Variants in TMC4 observed in about 807,000 individuals in gnomAD.
The protein encoded by TMC4 is transmembrane channel like 4, also known as voltage-gated chloride channel TMC4.
In TMC4, 70 loss-of-function variants were observed where a neutral mutation model predicts 82.0. The ratio of observed to expected loss-of-function variants is 0.85; its 90% CI spans 0.70 to 1.04. TMC4 has a LOEUF of 1.04. Ranked by LOEUF, TMC4 falls within the 50% of genes least tolerant of loss-of-function variation. The pLI, the probability that TMC4 is intolerant of heterozygous loss-of-function variation, is 0.00. For missense variants in TMC4, 879 were observed against 899.0 expected (o/e 0.98, Z 0.28); for synonymous variants, 446 against 406.0 (o/e 1.10, Z -1.18).
chr19:54,171,139 C>T (rs903683147), intron 2 of TMC4, among the ~76,000 whole-genome samples: 5 of 33,148 alleles, frequency 1.5e-4, no homozygotes, highest in African/African-American at 2.0e-4. Flanking sequence ...GATGGAGTCC[C>T]GCTCTATCAC....
At chr19:54,160,713 G>A (rs2075522213) in intron 13 of TMC4, 165 bp downstream of exon 13, 6 of 1,408,662 alleles carry the variant, frequency 4.3e-6, no homozygotes, top group East Asian at 5.0e-5. Flanking sequence ...CCTACGTCCC[G>A]CCCACCTCCT....
At chr19:54,161,852 T>A (rs570978883) in intron 11 of TMC4, among the ~76,000 whole-genome samples, 1 of 152,096 alleles carries the variant, frequency 6.6e-6, no homozygotes, top group Non-Finnish European at 1.5e-5. Flanking sequence ...TACCTGCCTC[T>A]CCTTTTTTCC....
rs777734142 is a variant in TMC4 at position 54,162,817 on chromosome 19, C to T, written c.1405-47G>A. 9.5e-6 allele frequency: 15 copies of T among 1,571,956 alleles called. No homozygotes were observed. In the East Asian group the frequency reaches 3.4e-4, roughly 35 times the overall value. Reference sequence around the variant, plus strand: ...CAGAAAGAACTCGGGACCCGGGCACCTGGAGGCCCACGCGTCCGAGTCTCC... The same window carrying T: ...CAGAAAGAACTCGGGACCCGGGCACTTGGAGGCCCACGCGTCCGAGTCTCC... On this transcript the variant is annotated intron_variant, in intron 9 of 14. Transcript: ENST00000619895.
rs1161537319 is a variant in TMC4 at position 54,171,923 on chromosome 19, G to A, written c.240C>T (p.Asp80=). 6.2e-7 allele frequency: 1 copy of A among 1,613,512 alleles called. No homozygotes were observed. The highest frequency in any genetic ancestry group is 8.5e-7 in the Non-Finnish European group (1 of 1,179,676). ...FTEVTQTELQ[D]PHPSRELPWP... ...AGGGCAGTTCCCGGGAAGGGTGAGG[G>A]TCCTGCAGCTCTGTCTGGGTGACTT... is the stretch of plus-strand genomic sequence containing the variant. Residue 80 remains aspartate, a synonymous_variant, in exon 2 of 15, where the codon GAC becomes GAT. Transcript: ENST00000619895.
chr19:54,168,662 G>A lies in TMC4; in HGVS notation c.461C>T (p.Thr154Met). Residue 154 changes from threonine (T) to methionine (M), a missense_variant, in exon 4 of 15, where the codon ACG (threonine) becomes ATG (methionine). Transcript: ENST00000619895. ...KRIGGQFGAG[T>M]ESYFSLLRFL... ...GCGCAGCAGGGAGAAGTAGGACTCCGTGCCGGCGCCAAACTGGCCTGCAGG... is the reference window on the plus strand; with the variant it reads ...GCGCAGCAGGGAGAAGTAGGACTCCATGCCGGCGCCAAACTGGCCTGCAGG... The A allele has an allele frequency of 2.6e-6, 4 of 1,552,822 alleles. No homozygotes were observed. The highest frequency in any genetic ancestry group is 3.5e-6 in the Non-Finnish European group (4 of 1,148,286).
intron 13 of TMC4, 80 bp downstream of exon 13, chr19:54,160,798 C>T (rs2075525141): frequency 2.6e-6 from 4 of 1,549,494 alleles, no homozygotes. Context: ...CACGCCCAAG[C>T]CTCTCCTCTC....
intron 2 of TMC4, among the ~76,000 whole-genome samples, chr19:54,169,936 C>CAAAA (rs35772679): frequency 7.2e-6 from 1 of 139,134 alleles, no homozygotes; most frequent in Non-Finnish European, 1.6e-5. Flanking sequence ...CTAAAAATAC[C>CAAAA]AAAAAAAAAA....
In TMC4 at chr19:54,163,724, C is replaced by T. The variant is rs865809919; in HGVS notation, c.1277G>A (p.Arg426Lys). ...RSRQIVFILL[R>K]TVFLRLASLV... Reference sequence around the variant, plus strand: ...CCAGCCATCCCCGTGAGGCTGGAACCTGAGCAGGATAAAAACGATCTGGCG... The same window carrying T: ...CCAGCCATCCCCGTGAGGCTGGAACTTGAGCAGGATAAAAACGATCTGGCG... The change falls in exon 8 of 15, where the codon AGG becomes AAG. Residue 426 changes from arginine (R) to lysine (K), a missense_variant and splice_region_variant. Arg to Lys is a conservative substitution (Grantham distance 26). Transcript: ENST00000619895. The T allele has an allele frequency of 6.2e-7, 1 of 1,614,056 alleles. No individual in the cohort carries two copies. The highest frequency in any genetic ancestry group is 8.5e-7 in the Non-Finnish European group (1 of 1,180,014).
Position 54,168,554 on chromosome 19 carries a change from G to A in TMC4, c.569C>T (p.Pro190Leu). Reference protein sequence around the residue: ...LLPTWLGGAPPGPPGPDISSP... With the variant: ...LLPTWLGGAPLGPPGPDISSP... ...GGAGATGTCGGGGCCGGGAGGGCCT[G>A]GGGGAGCGCCTCCCAACCAGGTGGG... Residue 190 changes from proline (P) to leucine (L), a missense_variant, in exon 4 of 15, where the codon CCA becomes CTA. Pro to Leu is a moderately conservative substitution (Grantham distance 98, BLOSUM62 -3). Transcript: ENST00000619895. 6.4e-7 allele frequency: 1 copy of A among 1,569,638 alleles called. No individual in the cohort carries two copies. The highest frequency in any genetic ancestry group is 8.6e-7 in the Non-Finnish European group (1 of 1,158,188).
intron 5 of TMC4, among the ~76,000 whole-genome samples, chr19:54,167,899 A>G (rs1438342641): frequency 2.0e-5 from 3 of 151,724 alleles, no homozygotes; most frequent in Admixed American, 2.0e-4. Flanking sequence ...CATCTCTACT[A>G]AAAATACAAA....
rs769192174 is a variant in TMC4 at position 54,160,537 on chromosome 19, A to G, written c.1982T>C (p.Met661Thr). 6.2e-7 allele frequency: 1 copy of G among 1,614,110 alleles called. No individual in the cohort carries two copies. Among genetic ancestry groups the G allele is most frequent in the South Asian group, 1.1e-5 (1 of 91,082 alleles). ...VPLLLISSIL[M>T]AYTVALANSY... Reference sequence around the variant, plus strand: ...GTTAGCCAGAGCCACAGTGTACGCCATCAGGATGCTGAAGGAGACAGGAAC... The same window carrying G: ...GTTAGCCAGAGCCACAGTGTACGCCGTCAGGATGCTGAAGGAGACAGGAAC... Residue 661 changes from methionine (M) to threonine (T), a missense_variant, in exon 14 of 15, where the codon ATG (methionine) becomes ACG (threonine). Coordinates refer to ENST00000619895, the MANE Select transcript of TMC4 (RefSeq NM_144686.4).
rs1283696630 is a variant in TMC4, at chr19:54,161,249, G to A, written c.1698C>T (p.Phe566=). ...LLFYLKKLTL[F]STCSPAARTF... ...TGCGGGCAGCCGGGGAGCAGGTGGA[G>A]AAGAGGGTAAGCTGGTGGGGGAAGG... Residue 566 remains phenylalanine, a synonymous_variant, in exon 12 of 15, where the codon TTC becomes TTT. Coordinates refer to ENST00000619895, the MANE Select transcript of TMC4 (RefSeq NM_144686.4). The A allele has an allele frequency of 2.6e-6, 4 of 1,549,764 alleles. No homozygotes were observed. The highest frequency in any genetic ancestry group is 3.5e-6 in the Non-Finnish European group (4 of 1,149,748).
intron 9 of TMC4, 121 bp from the exon 10 acceptor site, chr19:54,162,891 G>A (rs1350438758): frequency 3.3e-6 from 5 of 1,537,696 alleles, no homozygotes; most frequent in South Asian, 1.1e-5. Context: ...GGGGGTCCTC[G>A]TTTTTCAAAC....
At position 54,164,510 on chromosome 19, in the gene TMC4, T is replaced by C; in HGVS notation, c.1037A>G (p.Asn346Ser). 6.2e-7 allele frequency: 1 copy of C among 1,613,756 alleles called. No individual in the cohort carries two copies. The highest frequency in any genetic ancestry group is 1.3e-5 in the African/African-American group (1 of 74,940). ...CCCCAGGAGCGCGACCACCAGCAGG[T>C]TGAGCAGCACCCGCACCAACCAAAC... is the stretch of plus-strand genomic sequence containing the variant. ...ARVWLVRVLL[N>S]LLVVALLGAA... Residue 346 changes from asparagine to serine, a missense_variant, in exon 7 of 15, where the codon AAC (asparagine) becomes AGC (serine). By Grantham distance (46) the Asn-to-Ser change is conservative. Coordinates refer to ENST00000619895, the MANE Select transcript of TMC4 (RefSeq NM_144686.4).
At chr19:54,162,947 C>G in intron 9 of TMC4, 86 bp downstream of exon 9, 2 of 1,603,572 alleles carry the variant, frequency 1.2e-6, no homozygotes, top group South Asian at 2.2e-5. Context: ...GCTCCCCTCT[C>G]CGCCCAAACC....
chr19:54,168,788 CTTTTCT>C lies in TMC4; in HGVS notation c.443-114_443-109del, dbSNP rs1255989951. On this transcript the variant is annotated intron_variant, in intron 3 of 14. Coordinates refer to ENST00000619895, the MANE Select transcript of TMC4 (RefSeq NM_144686.4). ...GCGCCTTCCTTTCTTTCTTTCTTTT[CTTTTCT>C]TTCTTTTCTTTTCTTTTCTTTTCTT... 6 of 283,388 alleles carry C rather than the reference CTTTTCT, an allele frequency of 2.1e-5. 2 individuals carry two copies. Among genetic ancestry groups the C allele is most frequent in the Non-Finnish European group, 2.8e-5 (5 of 177,088 alleles). The allele number at this position is 283,388 out of a possible 1,614,324, so 17.6% of individuals were successfully genotyped here.
intron 2 of TMC4, among the ~76,000 whole-genome samples, chr19:54,171,133 G>A (rs976010368): frequency 3.4e-5 from 1 of 29,586 alleles, no homozygotes; most frequent in Admixed American, 4.1e-4. Flanking sequence ...ATTTGAGATG[G>A]AGTCCCGCTC....
intron 11 of TMC4, 80 bp downstream of exon 11, chr19:54,162,022 G>A: frequency 7.7e-7 from 1 of 1,303,412 alleles, no homozygotes; most frequent in Admixed American, 2.6e-5. Flanking sequence ...CAGGCCCCCA[G>A]GATCTTCCTT....
chr19:54,168,233 C>A lies in TMC4; in HGVS notation c.735G>T (p.Ala245=). ...CAAAGGCCCAGCACAGGTAGGTGACCGCCAGGCGTGGGCGGGGCGGGTAGA... is the reference window on the plus strand; with the variant it reads ...CAAAGGCCCAGCACAGGTAGGTGACAGCCAGGCGTGGGCGGGGCGGGTAGA... ...YGFYPPRPRL[A]VTYLCWAFAV... is the part of the protein sequence containing the mutation. Residue 245 remains alanine (A), a synonymous_variant, in exon 5 of 15, where the codon GCG becomes GCT. Transcript: ENST00000619895. 6.3e-7 allele frequency: 1 copy of A among 1,583,628 alleles called. No individual in the cohort carries two copies.
Sources: gnomAD v4.1 joint callset for allele counts (sites outside exome capture counted in the v4.1 genomes callset) on GRCh38, gnomAD v4.1.1 for gene constraint, MANE v1.5 for transcripts, NCBI Gene and HGNC (gene_info 2026-07-23, HGNC 2026-07-21) for gene names.